The following RP1 variants were observed in gnomAD, a reference collection of about 807,000 sequenced individuals.
RP1 encodes the protein oxygen-regulated protein 1.
In RP1, 16 loss-of-function variants were observed where a neutral mutation model predicts 14.8. The ratio of observed to expected loss-of-function variants is 1.08; its 90% confidence interval spans 0.73 to 1.65. The LOEUF (loss-of-function observed/expected upper bound fraction) is 1.65, where lower values mean the gene tolerates loss of function less well. RP1 is among the 40% of genes most tolerant of loss of function. The probability of loss-of-function intolerance (pLI) is 0.00; values close to 1 mark genes in which losing one functional copy is unlikely to be tolerated. For synonymous variants in RP1, 876 were observed against 883.6 expected, an observed-to-expected ratio of 0.99 and a Z score of 0.15; for missense variants, 2,631 against 2,535.0, an observed-to-expected ratio of 1.04 and a Z score of -0.81.
At chr8:54,796,715 G>C (rs1340682506) in intron 24 of RP1, among the ~76,000 whole-genome samples, 1 of 152,132 alleles carries the variant, frequency 6.6e-6, no homozygotes, top group Admixed American at 6.5e-5. Flanking sequence ...AGGGAGTATG[G>C]CCTCATTGAC....
chr8:54,861,606 C>A (rs1250125179), intron 27 of RP1, among the ~76,000 whole-genome samples: 1 of 151,658 alleles, frequency 6.6e-6, no homozygotes, highest in Non-Finnish European at 1.5e-5. Flanking sequence ...TTTTTCTTTT[C>A]TTTTCTTTTT....
intron 18 of RP1, among the ~76,000 whole-genome samples, chr8:54,735,972 C>T (rs899660335): frequency 1.3e-5 from 2 of 152,116 alleles, no homozygotes; most frequent in Non-Finnish European, 2.9e-5. Flanking sequence ...ACCCAGGGAG[C>T]TTTAAAAACT....
upstream of RP1, among the ~76,000 whole-genome samples, chr8:54,612,368 G>T (rs774397059): frequency 6.6e-6 from 1 of 152,182 alleles, no homozygotes; most frequent in Non-Finnish European, 1.5e-5. Context: ...CCATGGGGCT[G>T]GGGGATGAGG....
intron 25 of RP1, among the ~76,000 whole-genome samples, chr8:54,845,419 C>T (rs746235531): frequency 6.6e-6 from 1 of 152,108 alleles, no homozygotes; most frequent in Non-Finnish European, 1.5e-5. Context: ...GCTGGGGATT[C>T]TAACCTGAAA....
chr8:54,772,623 T>G (rs193167356), downstream of RP1, among the ~76,000 whole-genome samples: 1 of 152,356 alleles, frequency 6.6e-6, no homozygotes, highest in Non-Finnish European at 1.5e-5. Context: ...GTTGTATCAT[T>G]ATTCCACTTC....
chr8:54,597,023 T>A (rs1198755094), intron 1 of RP1, among the ~76,000 whole-genome samples: 1 of 152,202 alleles, frequency 6.6e-6, no homozygotes, highest in Admixed American at 6.5e-5. Flanking sequence ...CAAGGACATC[T>A]TCAGTTCTGA....
chr8:54,671,191 C>T (rs1807171978), intron 7 of RP1, among the ~76,000 whole-genome samples: 1 of 152,044 alleles, frequency 6.6e-6, no homozygotes, highest in Non-Finnish European at 1.5e-5. Context: ...GGTTTCTACA[C>T]AAATTTACTC....
intron 1 of RP1, among the ~76,000 whole-genome samples, chr8:54,579,397 A>G (rs996446562): frequency 1.3e-5 from 2 of 152,218 alleles, no homozygotes; most frequent in Non-Finnish European, 2.9e-5. Context: ...GAAGAGCTGG[A>G]AGTATTAATG....
exon 17 of RP1, chr8:54,726,451 G>A (rs1808655999): frequency 1.3e-6 from 2 of 1,534,514 alleles, no homozygotes; most frequent in Non-Finnish European, 1.7e-6. Context: ...CTGAGGCTAG[G>A]AGTCCCTTAC....
chr8:54,743,824 C>T (rs145811203), intron 19 of RP1, among the ~76,000 whole-genome samples: 11 of 152,194 alleles, frequency 7.2e-5, no homozygotes, highest in African/African-American at 2.2e-4. Flanking sequence ...AGTTACTTTC[C>T]CCACTAATGC....
At chr8:54,697,252 G>A in intron 12 of RP1, 1 of 595,096 alleles carries the variant, frequency 1.7e-6, no homozygotes, top group African/African-American at 1.9e-5. Flanking sequence ...GAAAGGAAGG[G>A]TCAAAAAAAA....
chr8:54,810,994 A>AAGT (rs1206043649), intron 24 of RP1, among the ~76,000 whole-genome samples: 1 of 152,216 alleles, frequency 6.6e-6, no homozygotes, highest in Non-Finnish European at 1.5e-5. Flanking sequence ...AAATGCTGTG[A>AAGT]AGTATAGTTT....
chr8:54,652,816 C>G, exon 5 of RP1: 1 of 1,535,808 alleles, frequency 6.5e-7, no homozygotes, highest in Non-Finnish European at 8.7e-7. Context: ...CTTTAAGATT[C>G]GTATTGGTCA....
chr8:54,765,399 A>G (rs1809737235), intron 22 of RP1, among the ~76,000 whole-genome samples: 1 of 152,230 alleles, frequency 6.6e-6, no homozygotes, highest in African/African-American at 2.4e-5. Flanking sequence ...AGGGCTGAGT[A>G]TATCATTTGT....
At chr8:54,843,596 A>G (rs6981059) in intron 25 of RP1, among the ~76,000 whole-genome samples, 6,110 of 152,298 alleles carry the variant, frequency 0.04, 157 homozygotes, top group African/African-American at 0.068. Context: ...TCTCACCACA[A>G]TGAGTGCTCT....
intron 24 of RP1, among the ~76,000 whole-genome samples, chr8:54,829,097 T>A (rs912230716): frequency 2.6e-5 from 4 of 152,076 alleles, no homozygotes; most frequent in African/African-American, 9.7e-5. Context: ...TTTGCCATGT[T>A]GGCCAGGCTG....
At chr8:54,826,197 T>C (rs1390126480) in intron 24 of RP1, among the ~76,000 whole-genome samples, 1 of 152,220 alleles carries the variant, frequency 6.6e-6, no homozygotes, top group Non-Finnish European at 1.5e-5. Flanking sequence ...TTTGAGAAGC[T>C]GGCATTTGAG....
chr8:54,655,851 C>CAAATAAATAAAT (rs3048820), intron 5 of RP1, among the ~76,000 whole-genome samples: 3 of 150,380 alleles, frequency 2.0e-5, no homozygotes, highest in East Asian at 2.0e-4. Flanking sequence ...GACTTTGTCT[C>CAAATAAATAAAT]AAATAAATAA....
chr8:54,623,112 G>A (rs1805926425), intron 3 of RP1, among the ~76,000 whole-genome samples: 1 of 152,090 alleles, frequency 6.6e-6, no homozygotes, highest in African/African-American at 2.4e-5. Flanking sequence ...CTAATCCATT[G>A]TTGTTTAATG....
Sources: gnomAD v4.1 joint callset for allele counts (sites outside exome capture counted in the v4.1 genomes callset) on GRCh38, gnomAD v4.1.1 for gene constraint, MANE v1.5 for transcripts, NCBI Gene and HGNC (gene_info 2026-07-23, HGNC 2026-07-21) for gene names.